Variants in BAIAP2L2 observed in about 807,000 individuals in gnomAD.
BAIAP2L2 encodes the protein BAR/IMD domain containing adaptor protein 2 like 2, also known as BAR/IMD domain-containing adapter protein 2-like 2.
BAIAP2L2 carries 65 observed loss-of-function variants against 60.4 expected under a neutral mutation model. That is an observed-to-expected ratio of 1.08 (90% CI 0.88 to 1.32). BAIAP2L2 has a LOEUF of 1.32. Among genes scored for constraint, BAIAP2L2 ranks in the 40% most tolerant of loss-of-function variants. The probability of loss-of-function intolerance (pLI) is 0.00; values close to 1 mark genes in which losing one functional copy is unlikely to be tolerated. For synonymous variants in BAIAP2L2, 344 were observed against 301.7 expected, an observed-to-expected ratio of 1.14 and a Z score of -1.45; for missense variants, 836 against 741.2, an observed-to-expected ratio of 1.13 and a Z score of -1.48.
At chr22:38,088,071 G>A (rs902378516) in intron 10 of BAIAP2L2, among the ~76,000 whole-genome samples, 1 of 152,164 alleles carries the variant, frequency 6.6e-6, no homozygotes, top group Admixed American at 6.5e-5. Context: ...TTCATCCTGC[G>A]CTGCTTCTCT....
At chr22:38,085,448 TG>T in intron 13 of BAIAP2L2, 73 bp from the exon 14 acceptor site, 2 of 1,507,910 alleles carry the variant, frequency 1.3e-6, no homozygotes, top group Non-Finnish European at 1.8e-6. Context: ...GGAAGGCAGC[TG>T]GGCAACTGAG....
chr22:38,099,562 G>T (rs1249098359), intron 4 of BAIAP2L2, among the ~76,000 whole-genome samples: 1 of 152,022 alleles, frequency 6.6e-6, no homozygotes, highest in Non-Finnish European at 1.5e-5. Flanking sequence ...AAAAGGAAAG[G>T]CTTGACCAGC....
chr22:38,090,025 G>A (rs1443830311), intron 7 of BAIAP2L2: 1 of 193,256 alleles, frequency 5.2e-6, no homozygotes, highest in East Asian at 1.2e-4. Context: ...GCTCAGGAAT[G>A]GCGCTTAGAT....
At position 38,098,188 on chromosome 22, in the gene BAIAP2L2, G is replaced by C. The variant is rs774140016; in HGVS notation, c.349-9C>G. ...TAGTGCTGGCGGCTGTCCTGGGGTA[G>C]GGTGGAGTCGGGGAGGGAGAATCCC... On this transcript the variant is annotated splice_polypyrimidine_tract_variant and intron_variant, in intron 5 of 13. Coordinates refer to ENST00000381669, the MANE Select transcript of BAIAP2L2 (RefSeq NM_025045.6). 2.5e-6 allele frequency: 4 copies of C among 1,613,470 alleles called. No homozygotes were observed. Among genetic ancestry groups the C allele is most frequent in the East Asian group, 2.2e-5 (1 of 44,884 alleles).
rs1368991339 is a variant in BAIAP2L2, at chr22:38,088,841, G to A, written c.1025C>T (p.Thr342Met). 3.8e-6 allele frequency: 6 copies of A among 1,599,164 alleles called. No homozygotes were observed. Among genetic ancestry groups the A allele is most frequent in the South Asian group, 2.2e-5 (2 of 90,844 alleles). ...LVSHSEGANH[T>M]LLRFSAGDVV... ...GTCCCCAGCGGAGAAGCGCAGCAGC[G>A]TGTGGTTGGCGCCCTCCGAGTGGGA... The change falls in exon 10 of 14, where the codon ACG (threonine) becomes ATG (methionine). Residue 342 changes from threonine (T) to methionine (M), a missense_variant. Coordinates refer to ENST00000381669, the MANE Select transcript of BAIAP2L2 (RefSeq NM_025045.6).
At chr22:38,085,601 A>AGTCT in intron 13 of BAIAP2L2, 85 bp downstream of exon 13, 1 of 1,483,904 alleles carries the variant, frequency 6.7e-7, no homozygotes, top group Non-Finnish European at 9.4e-7. Flanking sequence ...CTCCTGCCCC[A>AGTCT]GTCTCCCTAG....
rs755789988 is a variant in BAIAP2L2 at position 38,087,282 on chromosome 22, AGGACAATGACCAAAAGAAGCCAGGCCTGG to A, written c.1119-47_1119-19del. ...AACCGCTCCTGTGGGGTAGAGGCAG[AGGACAATGACCAAAAGAAGCCAGGCCTGG>A]GGACAATGACCAAAAGAAGACATCC... On this transcript the variant is annotated intron_variant, in intron 10 of 13. Transcript: ENST00000381669. 73 of 1,592,894 alleles carry A rather than the reference AGGACAATGACCAAAAGAAGCCAGGCCTGG, an allele frequency of 4.6e-5. No homozygotes were observed. Among genetic ancestry groups the A allele is most frequent in the Non-Finnish European group, 5.7e-5 (67 of 1,172,006 alleles).
upstream of BAIAP2L2, chr22:38,110,779 G>A (rs1403384363): frequency 3.9e-6 from 2 of 513,132 alleles, no homozygotes; most frequent in Non-Finnish European, 6.9e-6. Flanking sequence ...AGGCTCGTGT[G>A]ACCTGCCCTT....
Position 38,099,907 on chromosome 22 carries a change from C to A in BAIAP2L2, c.277-1425G>T, listed in dbSNP as rs548899048. On this transcript the variant is annotated intron_variant, in intron 4 of 13. Transcript: ENST00000381669. ...AAAAGGAATGCTGGCAATCTCCTCC[C>A]AATATGCAGAAAAAAATCACTACAT... 2.0e-5 allele frequency among the ~76,000 whole-genome samples: 3 copies of A among 152,194 alleles called. No homozygotes were observed. In the South Asian group the frequency reaches 6.2e-4, roughly 32 times the overall value.
rs765332904 is a variant in BAIAP2L2 at position 38,088,930 on chromosome 22, G to A, written c.936C>T (p.Arg312=). The A allele has an allele frequency of 1.8e-5, 27 of 1,542,636 alleles. 1 individual carries two copies. The South Asian group carries it at 3.2e-4, about 18-fold the overall frequency. Residue 312 remains arginine (R), a synonymous_variant, in exon 10 of 14, where the codon CGC becomes CGT. Transcript: ENST00000381669. ...CCGGGCGCTCGCCAAAGGAGTTGGA[G>A]CGCGAGCTTTGGGCGCTGCCGCTGT... is the stretch of plus-strand genomic sequence containing the variant. The part of the protein sequence containing the change: ...SLYSGSAQSS[R]SNSFGERPGG...
At chr22:38,085,649 C>G (rs2086038814) in intron 13 of BAIAP2L2, 37 bp downstream of exon 13, 1 of 1,606,370 alleles carries the variant, frequency 6.2e-7, no homozygotes, top group Admixed American at 1.7e-5. Flanking sequence ...GCACCTGCCA[C>G]CCTCCTCACT....
chr22:38,087,845 A>G (rs924377790), intron 10 of BAIAP2L2, among the ~76,000 whole-genome samples: 2 of 137,564 alleles, frequency 1.5e-5, no homozygotes, highest in African/African-American at 5.6e-5. Context: ...GTGTCTGTCC[A>G]CCACATCTGC....
intron 7 of BAIAP2L2, among the ~76,000 whole-genome samples, chr22:38,096,604 G>A (rs180941107): frequency 1.6e-4 from 25 of 152,262 alleles, no homozygotes; most frequent in African/African-American, 4.6e-4. Flanking sequence ...GCAGTGAGCC[G>A]AGATTGTGCC....
chr22:38,093,786 G>C lies in BAIAP2L2; in HGVS notation c.612+3246C>G, dbSNP rs181193868. 193 of 410,914 alleles carry C rather than the reference G, an allele frequency of 4.7e-4. 1 individual carries two copies. Among genetic ancestry groups the C allele is most frequent in the African/African-American group, 3.7e-3 (180 of 48,764 alleles). 25.5% of individuals were successfully genotyped at this position (410,914 alleles called of 1,614,324 possible). On this transcript the variant is annotated intron_variant, in intron 7 of 13. Coordinates refer to ENST00000381669, the MANE Select transcript of BAIAP2L2 (RefSeq NM_025045.6). ...ACGGAAACACTCCGGAAAACGGTCT[G>C]GAAGTTCCACAAACAGTTAAACATA...
Position 38,088,915 on chromosome 22 carries a change from G to A in BAIAP2L2, c.951C>T (p.Gly317=), listed in dbSNP as rs994505929. 5 of 1,555,322 alleles carry A rather than the reference G, an allele frequency of 3.2e-6. No homozygotes were observed. In the African/African-American group the frequency reaches 5.4e-5, roughly 17 times the overall value. The change falls in exon 10 of 14, where the codon GGC becomes GGT. Residue 317 remains glycine (G), a synonymous_variant. Coordinates refer to ENST00000381669, the MANE Select transcript of BAIAP2L2 (RefSeq NM_025045.6). The part of the protein sequence containing the change: ...SAQSSRSNSF[G]ERPGGGGGAR... ...CGCCCCCGCCGCCGCCCGGGCGCTC[G>A]CCAAAGGAGTTGGAGCGCGAGCTTT...
intron 7 of BAIAP2L2, among the ~76,000 whole-genome samples, chr22:38,096,647 C>A (rs2086435069): frequency 6.6e-6 from 1 of 152,046 alleles, no homozygotes; most frequent in Non-Finnish European, 1.5e-5. Context: ...AAGAGTGAAA[C>A]TCTGTCTCAA....
intron 4 of BAIAP2L2, among the ~76,000 whole-genome samples, chr22:38,105,487 C>T (rs539206131): frequency 2.0e-5 from 3 of 151,992 alleles, no homozygotes; most frequent in African/African-American, 7.2e-5. Flanking sequence ...TTACAGGCGC[C>T]CGCCACCACA....
chr22:38,098,021 A>T, intron 6 of BAIAP2L2, 42 bp downstream of exon 6: 3 of 588,212 alleles, frequency 5.1e-6, no homozygotes, highest in East Asian at 3.5e-5. Context: ...AGGTCTGCCC[A>T]CCCGCCCTTC....
chr22:38,085,256 G>A lies in BAIAP2L2; in HGVS notation c.*44C>T, dbSNP rs369755081. On this transcript the variant is annotated 3_prime_UTR_variant, in exon 14 of 14. Transcript: ENST00000381669. ...TCGCTGCCATTGCCAGCTCTGAACA[G>A]CCCCTGGGCAGGTGCACTGTGGGGT... 296 of 1,585,094 alleles carry A rather than the reference G, an allele frequency of 1.9e-4. 1 individual carries two copies. Among genetic ancestry groups the A allele is most frequent in the Non-Finnish European group, 2.5e-4 (286 of 1,154,998 alleles).
Sources: allele counts gnomAD v4.1 joint callset (sites outside exome capture counted in the v4.1 genomes callset), GRCh38; gene constraint gnomAD v4.1.1; transcripts MANE v1.5; gene names NCBI Gene and HGNC (gene_info 2026-07-23, HGNC 2026-07-21).